The following ANKS1B variants were observed in gnomAD, a reference collection of about 807,000 sequenced individuals.
ANKS1B encodes ankyrin repeat and sterile alpha motif domain containing 1B.
In ANKS1B, 36 loss-of-function variants were observed where a neutral mutation model predicts 148.3. The ratio of observed to expected loss-of-function variants is 0.24; its 90% CI spans 0.19 to 0.32. The LOEUF is 0.32. Among genes scored for constraint, ANKS1B ranks in the 10% least tolerant of loss-of-function variants. The pLI is 1.00. For missense variants in ANKS1B, 1,157 were observed against 1,542.6 expected (o/e 0.75, Z 4.19); for synonymous variants, 542 against 560.8 (o/e 0.97, Z 0.47).
rs1159333727 is a variant in ANKS1B at position 98,997,001 on chromosome 12, T to C, written c.2778+56156A>G. Among the ~76,000 whole-genome samples, 4 of 152,070 alleles carry C rather than the reference T, an allele frequency of 2.6e-5. No individual in the cohort carries two copies. The East Asian group carries it at 5.8e-4, about 22-fold the overall frequency. On this transcript the variant is annotated intron_variant, in intron 17 of 26. Coordinates refer to ENST00000683438, the MANE Select transcript of ANKS1B (RefSeq NM_001352186.2). ...ATGTTAGTCATAGCTTTAACCAGATTATAGATTTACTGATTGGATAGATGT... is the reference window on the plus strand; with the variant it reads ...ATGTTAGTCATAGCTTTAACCAGATCATAGATTTACTGATTGGATAGATGT...
chr12:99,342,024 G>T (rs1296127953), intron 12 of ANKS1B, among the ~76,000 whole-genome samples: 1 of 151,974 alleles, frequency 6.6e-6, no homozygotes, highest in Non-Finnish European at 1.5e-5. Context: ...ACTTCATTTA[G>T]TCATTCAAGA....
In ANKS1B at chr12:98,744,325, T is replaced by A. The variant is rs1457501251; in HGVS notation, c.*1414A>T. On this transcript the variant is annotated 3_prime_UTR_variant, in exon 27 of 27. Transcript: ENST00000683438. ...TAGTTATTCTTCAAAACTCACCAAC[T>A]GATGAATGTAACTGATCATCTCAGT... 1.1e-6 allele frequency: 1 copy of A among 921,886 alleles called. No individual in the cohort carries two copies. Among genetic ancestry groups the A allele is most frequent in the Non-Finnish European group, 1.3e-6 (1 of 771,800 alleles). 57.1% of individuals were successfully genotyped at this position (921,886 alleles called of 1,614,324 possible).
chr12:99,277,532 A>T (rs1338974345), intron 12 of ANKS1B, among the ~76,000 whole-genome samples: 1 of 152,226 alleles, frequency 6.6e-6, no homozygotes, highest in Non-Finnish European at 1.5e-5. Context: ...AGCTATGTGT[A>T]CACATGAAAT....
chr12:99,427,350 T>C (rs1312748550), intron 11 of ANKS1B, among the ~76,000 whole-genome samples: 1 of 152,200 alleles, frequency 6.6e-6, no homozygotes, highest in Non-Finnish European at 1.5e-5. Context: ...GCATGCCTTC[T>C]GTCTGTTCCT....
intron 17 of ANKS1B, among the ~76,000 whole-genome samples, chr12:98,978,708 T>C (rs1004195078): frequency 6.6e-5 from 10 of 152,314 alleles, no homozygotes; most frequent in African/African-American, 2.2e-4. Context: ...TTACAATAGT[T>C]ATACTTCTAT....
intron 1 of ANKS1B, among the ~76,000 whole-genome samples, chr12:99,865,406 G>C (rs372199381): frequency 1.3e-5 from 2 of 152,080 alleles, no homozygotes; most frequent in African/African-American, 2.4e-5. Context: ...CTCAGGGGTC[G>C]GTGGGAGGGG....
intron 4 of ANKS1B, among the ~76,000 whole-genome samples, chr12:99,790,897 A>G (rs367568164): frequency 5.3e-5 from 8 of 152,184 alleles, no homozygotes; most frequent in African/African-American, 1.9e-4. Context: ...GAAAAAAATA[A>G]CAAAATGACA....
chr12:99,828,192 G>T, intron 1 of ANKS1B, among the ~76,000 whole-genome samples: 1 of 152,174 alleles, frequency 6.6e-6, no homozygotes, highest in Non-Finnish European at 1.5e-5. Flanking sequence ...ACAGCAGAAT[G>T]GCTGCCCTTC....
intron 9 of ANKS1B, among the ~76,000 whole-genome samples, chr12:99,580,927 A>C (rs1458407386): frequency 2.0e-5 from 3 of 152,146 alleles, no homozygotes; most frequent in Non-Finnish European, 4.4e-5. Flanking sequence ...GCTATGCATG[A>C]TGTTCATGGA....
Position 99,834,595 on chromosome 12 carries a change from C to A in ANKS1B, c.135-9206G>T, listed in dbSNP as rs563208384. Among the ~76,000 whole-genome samples, 6 of 152,250 alleles carry A rather than the reference C, an allele frequency of 3.9e-5. No individual in the cohort carries two copies. In the East Asian group the frequency reaches 1.2e-3, roughly 29 times the overall value. ...TTCATTAGTCAGAATATTCTATTAT[C>A]TAAGCTTTCACATATTAAATAAGAT... On this transcript the variant is annotated intron_variant, in intron 1 of 26. Coordinates refer to ENST00000683438, the MANE Select transcript of ANKS1B (RefSeq NM_001352186.2).
At chr12:98,985,586 C>T (rs1171000168) in intron 17 of ANKS1B, among the ~76,000 whole-genome samples, 1 of 151,522 alleles carries the variant, frequency 6.6e-6, no homozygotes, top group African/African-American at 2.4e-5. Flanking sequence ...ACAAATAACA[C>T]CCTACTTCAA....
intron 17 of ANKS1B, among the ~76,000 whole-genome samples, chr12:98,995,668 A>AAT (rs1410637790): frequency 1.3e-5 from 2 of 152,208 alleles, no homozygotes; most frequent in African/African-American, 4.8e-5. Context: ...AATGTATCTA[A>AAT]ATATGTAAAA....
intron 8 of ANKS1B, among the ~76,000 whole-genome samples, chr12:99,691,811 A>G (rs11109998): frequency 0.23 from 35,263 of 152,098 alleles, 4,739 homozygotes; most frequent in Non-Finnish European, 0.31. Flanking sequence ...CTCAGTACCA[A>G]TTTAGGACCC....
intron 16 of ANKS1B, among the ~76,000 whole-genome samples, chr12:99,069,130 G>C (rs2045487614): frequency 6.6e-6 from 1 of 152,198 alleles, no homozygotes; most frequent in African/African-American, 2.4e-5. Context: ...TGAGCAATTT[G>C]CTAATGAATG....
intron 12 of ANKS1B, among the ~76,000 whole-genome samples, chr12:99,389,489 A>G (rs965187350): frequency 5.9e-5 from 9 of 152,270 alleles, no homozygotes; most frequent in African/African-American, 1.9e-4. Context: ...TTTTGTTTTA[A>G]TTTTTCAATT....
intron 17 of ANKS1B, among the ~76,000 whole-genome samples, chr12:98,926,333 A>C (rs188098339): frequency 6.6e-6 from 1 of 152,310 alleles, no homozygotes; most frequent in Admixed American, 6.5e-5. Context: ...ATAACACAGA[A>C]TTTACAGAAT....
intron 17 of ANKS1B, among the ~76,000 whole-genome samples, chr12:98,892,537 C>T (rs931247993): frequency 2.0e-5 from 3 of 152,180 alleles, no homozygotes; most frequent in Non-Finnish European, 4.4e-5. Flanking sequence ...CAAAGGTAAT[C>T]ATATGCAGTA....
At chr12:99,677,512 T>C (rs750035859) in intron 8 of ANKS1B, among the ~76,000 whole-genome samples, 1 of 152,200 alleles carries the variant, frequency 6.6e-6, no homozygotes, top group Non-Finnish European at 1.5e-5. Context: ...TATCTTGTAA[T>C]TAGATTCTCT....
chr12:99,305,961 C>T (rs2082285584), intron 12 of ANKS1B, among the ~76,000 whole-genome samples: 1 of 152,118 alleles, frequency 6.6e-6, no homozygotes, highest in African/African-American at 2.4e-5. Flanking sequence ...TCTTTAACTT[C>T]CATTTCCATA....
Sources: allele counts gnomAD v4.1 joint callset (sites outside exome capture counted in the v4.1 genomes callset), GRCh38; gene constraint gnomAD v4.1.1; transcripts MANE v1.5; gene names NCBI Gene and HGNC (gene_info 2026-07-23, HGNC 2026-07-21).